The following CDH17 variants were observed in gnomAD, a reference collection of about 807,000 sequenced individuals.
The protein encoded by CDH17 is cadherin 17, also known as cadherin-17.
In CDH17, 67 loss-of-function variants were observed where a neutral mutation model predicts 86.3. The observed-to-expected ratio is 0.78, with a 90% CI of 0.64 to 0.95. CDH17 has a LOEUF of 0.95. Ranked by LOEUF, CDH17 falls within the 40% of genes least tolerant of loss-of-function variation. The pLI, the probability that CDH17 is intolerant of heterozygous loss-of-function variation, is 0.00. For missense variants in CDH17, 993 were observed against 1,017.6 expected, an observed-to-expected ratio of 0.98 and a Z score of 0.33; for synonymous variants, 367 against 366.4, an observed-to-expected ratio of 1.00 and a Z score of -0.02.
At chr8:94,168,301 GT>G (rs34513341) in intron 9 of CDH17, among the ~76,000 whole-genome samples, 32,751 of 121,352 alleles carry the variant, frequency 0.27, 4,704 homozygotes, top group African/African-American at 0.36. Context: ...AATTTTTGCA[GT>G]TTTTTTTTTT....
chr8:94,142,092 T>TA (rs35902462), intron 15 of CDH17, among the ~76,000 whole-genome samples: 11 of 151,928 alleles, frequency 7.2e-5, no homozygotes, highest in Non-Finnish European at 1.3e-4. Flanking sequence ...TAATTCAATG[T>TA]AAAAAAAGGA....
intron 15 of CDH17, among the ~76,000 whole-genome samples, chr8:94,145,624 G>A (rs1367565796): frequency 6.6e-6 from 1 of 152,088 alleles, no homozygotes; most frequent in Non-Finnish European, 1.5e-5. Flanking sequence ...CTATCTCAAA[G>A]TTTTAAAAAA....
intron 1 of CDH17, among the ~76,000 whole-genome samples, chr8:94,204,981 T>C (rs1000665591): frequency 6.6e-6 from 1 of 152,048 alleles, no homozygotes; most frequent in African/African-American, 2.4e-5. Flanking sequence ...TTTTTTGAAT[T>C]TTTGCAATCA....
chr8:94,214,452 A>G (rs1814166387), intron 1 of CDH17, among the ~76,000 whole-genome samples: 1 of 152,228 alleles, frequency 6.6e-6, no homozygotes, highest in Non-Finnish European at 1.5e-5. Context: ...TGATCTTCAC[A>G]TGCAAAACAA....
chr8:94,176,511 C>T, intron 5 of CDH17, 30 bp downstream of exon 5: 1 of 1,611,446 alleles, frequency 6.2e-7, no homozygotes, highest in African/African-American at 1.3e-5. Flanking sequence ...TTCCATCTTT[C>T]CATAAATATC....
intron 3 of CDH17, among the ~76,000 whole-genome samples, chr8:94,186,107 A>T (rs1285244828): frequency 6.6e-6 from 1 of 152,118 alleles, no homozygotes; most frequent in Non-Finnish European, 1.5e-5. Flanking sequence ...CTCTATTGGC[A>T]CCTATATAAG....
At chr8:94,178,226 A>G (rs1813411175) in intron 3 of CDH17, among the ~76,000 whole-genome samples, 1 of 152,200 alleles carries the variant, frequency 6.6e-6, no homozygotes, top group Admixed American at 6.5e-5. Context: ...CCATATTCAT[A>G]GATATGGCTA....
intron 15 of CDH17, among the ~76,000 whole-genome samples, chr8:94,143,309 A>G (rs1047559215): frequency 1.3e-5 from 2 of 152,212 alleles, no homozygotes; most frequent in African/African-American, 4.8e-5. Context: ...GTAGGTCTCA[A>G]CAGTGGCCTT....
At chr8:94,138,032 T>A (rs923885847) in intron 15 of CDH17, among the ~76,000 whole-genome samples, 10 of 152,064 alleles carry the variant, frequency 6.6e-5, no homozygotes, top group African/African-American at 2.4e-4. Flanking sequence ...GAAATAAGGG[T>A]ATGCATGATA....
chr8:94,182,593 C>T (rs1044258682), intron 3 of CDH17, among the ~76,000 whole-genome samples: 1 of 152,034 alleles, frequency 6.6e-6, no homozygotes, highest in Non-Finnish European at 1.5e-5. Flanking sequence ...ACTCAACACA[C>T]CAGGAATAGA....
At chr8:94,132,266 A>G (rs112183387) in intron 15 of CDH17, among the ~76,000 whole-genome samples, 7 of 152,170 alleles carry the variant, frequency 4.6e-5, no homozygotes, top group Non-Finnish European at 7.4e-5. Flanking sequence ...GTCTTCCACA[A>G]TGGTTGAACT....
chr8:94,180,276 C>T (rs932358199), intron 3 of CDH17, among the ~76,000 whole-genome samples: 2 of 151,656 alleles, frequency 1.3e-5, no homozygotes, highest in African/African-American at 4.8e-5. Flanking sequence ...AATAGATTCC[C>T]AGAGACCAGT....
chr8:94,179,493 C>T (rs747590427), intron 3 of CDH17, among the ~76,000 whole-genome samples: 7 of 152,316 alleles, frequency 4.6e-5, no homozygotes, highest in Admixed American at 6.5e-5. Flanking sequence ...ATCTACAAGG[C>T]CACTATCATG....
intron 13 of CDH17, among the ~76,000 whole-genome samples, chr8:94,151,248 A>G (rs1812850206): frequency 6.6e-6 from 1 of 152,230 alleles, no homozygotes; most frequent in African/African-American, 2.4e-5. Flanking sequence ...GTTAATCATC[A>G]TTGTACTTTT....
In CDH17 at chr8:94,180,718, AC is replaced by A. The variant is rs1257802898; in HGVS notation, c.151-2998del. Among the ~76,000 whole-genome samples, 13 of 152,078 alleles carry A rather than the reference AC, an allele frequency of 8.5e-5. No homozygotes were observed. In the South Asian group the frequency reaches 1.5e-3, roughly 17 times the overall value. On this transcript the variant is annotated intron_variant, in intron 3 of 17. Coordinates refer to ENST00000027335, the MANE Select transcript of CDH17 (RefSeq NM_004063.4). ...AGACCTTCCTGGCTAACACGGTGAA[AC>A]CCCATCTCTACTAAAAACACAAAAA...
At chr8:94,173,278 T>C (rs1813304039) in intron 7 of CDH17, among the ~76,000 whole-genome samples, 1 of 152,116 alleles carries the variant, frequency 6.6e-6, no homozygotes, top group Non-Finnish European at 1.5e-5. Flanking sequence ...GGTGGGATCA[T>C]GGGGGCAGAT....
intron 17 of CDH17, among the ~76,000 whole-genome samples, chr8:94,129,930 C>T (rs887046914): frequency 1.7e-4 from 26 of 152,116 alleles, no homozygotes; most frequent in African/African-American, 5.3e-4. Flanking sequence ...GATATCTCAT[C>T]GTGTATTTGC....
intron 7 of CDH17, among the ~76,000 whole-genome samples, chr8:94,172,397 A>G (rs899219578): frequency 1.6e-4 from 24 of 152,064 alleles, no homozygotes; most frequent in Non-Finnish European, 3.1e-4. Context: ...CCCAATAAAT[A>G]TGATGGAATA....
At chr8:94,186,999 C>T (rs62526264) in intron 3 of CDH17, among the ~76,000 whole-genome samples, 29,036 of 152,198 alleles carry the variant, frequency 0.19, 2,958 homozygotes, top group Admixed American at 0.21. Context: ...CTGTACTCAG[C>T]ACCTGCTTCC....
Sources: gnomAD v4.1 joint callset for allele counts (sites outside exome capture counted in the v4.1 genomes callset) on GRCh38, gnomAD v4.1.1 for gene constraint, MANE v1.5 for transcripts, NCBI Gene and HGNC (gene_info 2026-07-23, HGNC 2026-07-21) for gene names.